STXBP5L: variants seen among roughly 807,000 people sequenced by gnomAD.
STXBP5L encodes the protein syntaxin-binding protein 5-like.
Under a neutral mutation model 144.5 loss-of-function variants are expected in STXBP5L, and 65 were observed. That is an observed-to-expected ratio of 0.45 (90% confidence interval 0.37 to 0.55). The LOEUF (loss-of-function observed/expected upper bound fraction) is 0.55. Ranked by LOEUF, STXBP5L falls within the 20% of genes least tolerant of loss-of-function variation. The pLI, the probability that STXBP5L is intolerant of heterozygous loss-of-function variation, is 0.00. For synonymous variants in STXBP5L, 505 were observed against 469.6 expected, an observed-to-expected ratio of 1.08 and a Z score of -0.97; for missense variants, 1,298 against 1,405.5, an observed-to-expected ratio of 0.92 and a Z score of 1.22.
chr3:121,293,680 C>T (rs1165947980), intron 19 of STXBP5L, among the ~76,000 whole-genome samples: 5 of 152,088 alleles, frequency 3.3e-5, no homozygotes, highest in South Asian at 4.2e-4. Flanking sequence ...GCCAATATGG[C>T]GAAACCCTGT....
Position 121,011,712 on chromosome 3 carries a change from T to C in STXBP5L, c.288-29988T>C, listed in dbSNP as rs1486799617. Reference sequence around the variant, plus strand: ...ACAATTAAGATCCCAAATCCTCTTTTTCAGCCCCTTTCCCATCCAAAGCTG... The same window carrying C: ...ACAATTAAGATCCCAAATCCTCTTTCTCAGCCCCTTTCCCATCCAAAGCTG... On this transcript the variant is annotated intron_variant, in intron 3 of 26. Transcript: ENST00000471454. Among the ~76,000 whole-genome samples the C allele has an allele frequency of 3.3e-5, 5 of 151,892 alleles. No individual in the cohort carries two copies. In the Admixed American group the frequency reaches 3.3e-4, roughly 10 times the overall value.
chr3:121,036,784 T>TTTC (rs1553780363), intron 3 of STXBP5L, among the ~76,000 whole-genome samples: 1 of 123,868 alleles, frequency 8.1e-6, no homozygotes, highest in Non-Finnish European at 1.6e-5. Flanking sequence ...TTTTTTTTTT[T>TTTC]TTTTTTTTAT....
At chr3:121,348,352 G>T (rs1036963574) in intron 20 of STXBP5L, among the ~76,000 whole-genome samples, 1 of 152,068 alleles carries the variant, frequency 6.6e-6, no homozygotes, top group African/African-American at 2.4e-5. Context: ...TGCTGGATTC[G>T]GTTTGCCAGT....
intron 3 of STXBP5L, among the ~76,000 whole-genome samples, chr3:120,956,958 G>T (rs1164383605): frequency 1.3e-5 from 2 of 151,754 alleles, no homozygotes; most frequent in Non-Finnish European, 2.9e-5. Context: ...ATAGTTTTAG[G>T]TTTTACATTT....
intron 20 of STXBP5L, among the ~76,000 whole-genome samples, chr3:121,365,020 G>C (rs1002491590): frequency 6.6e-6 from 1 of 151,322 alleles, no homozygotes; most frequent in African/African-American, 2.4e-5. Flanking sequence ...GAGTCTGCTT[G>C]GTATATTTAT....
At chr3:121,041,631 G>A (rs1403296009) in intron 3 of STXBP5L, 69 bp from the exon 4 acceptor site, 3 of 1,151,110 alleles carry the variant, frequency 2.6e-6, no homozygotes, top group Non-Finnish European at 3.9e-6. Context: ...TGATCAATAA[G>A]TTAGTTTCTT....
chr3:120,951,132 C>A (rs1711192934), intron 2 of STXBP5L, among the ~76,000 whole-genome samples: 1 of 152,252 alleles, frequency 6.6e-6, no homozygotes, highest in Admixed American at 6.5e-5. Flanking sequence ...CCCTTCCTTA[C>A]ACCTTACACA....
chr3:121,277,671 C>G (rs950890206), intron 18 of STXBP5L, among the ~76,000 whole-genome samples: 9 of 151,360 alleles, frequency 5.9e-5, no homozygotes, highest in African/African-American at 1.9e-4. Context: ...CTTTATATGC[C>G]TGCTACTTTT....
chr3:121,072,158 G>GT (rs1477137684), intron 5 of STXBP5L, among the ~76,000 whole-genome samples: 9 of 152,194 alleles, frequency 5.9e-5, no homozygotes, highest in African/African-American at 2.2e-4. Context: ...ATGTCCTTTA[G>GT]TAAGATTCTG....
At chr3:121,150,753 T>G (rs1266203366) in intron 7 of STXBP5L, among the ~76,000 whole-genome samples, 1 of 152,130 alleles carries the variant, frequency 6.6e-6, no homozygotes, top group East Asian at 1.9e-4. Context: ...TGAATCTCCT[T>G]GCCAATATCT....
intron 3 of STXBP5L, among the ~76,000 whole-genome samples, chr3:121,022,014 C>T (rs972041030): frequency 1.3e-5 from 2 of 151,844 alleles, no homozygotes; most frequent in Admixed American, 1.3e-4. Context: ...AATTGATAGG[C>T]CATTAGCAAG....
chr3:121,194,505 C>G (rs2047841833), intron 9 of STXBP5L, among the ~76,000 whole-genome samples: 1 of 151,578 alleles, frequency 6.6e-6, no homozygotes, highest in East Asian at 1.9e-4. Flanking sequence ...ACTGCACTCC[C>G]TGCCTTGAAA....
chr3:121,355,004 G>A (rs750968157), intron 20 of STXBP5L, among the ~76,000 whole-genome samples: 4 of 152,116 alleles, frequency 2.6e-5, no homozygotes, highest in Non-Finnish European at 5.9e-5. Context: ...TAAGAATGTT[G>A]AATATTGGCT....
chr3:121,199,458 C>A (rs919541508), intron 9 of STXBP5L, among the ~76,000 whole-genome samples: 1 of 152,050 alleles, frequency 6.6e-6, no homozygotes, highest in Non-Finnish European at 1.5e-5. Context: ...CTTTTCCTAA[C>A]TGAATACCTT....
intron 3 of STXBP5L, among the ~76,000 whole-genome samples, chr3:120,991,398 T>G (rs1364556730): frequency 2.0e-5 from 3 of 151,784 alleles, no homozygotes; most frequent in Non-Finnish European, 2.9e-5. Context: ...GTAAACTAGT[T>G]CAACCATTGT....
chr3:121,005,508 G>A (rs1325540308), intron 3 of STXBP5L, among the ~76,000 whole-genome samples: 2 of 152,038 alleles, frequency 1.3e-5, no homozygotes, highest in Non-Finnish European at 2.9e-5. Flanking sequence ...ACCAGCTCCT[G>A]GATTCATTGA....
intron 3 of STXBP5L, among the ~76,000 whole-genome samples, chr3:121,015,117 C>T (rs1448698182): frequency 6.6e-6 from 1 of 152,078 alleles, no homozygotes; most frequent in Non-Finnish European, 1.5e-5. Context: ...CAATCCTAAT[C>T]ATGATCTCAG....
chr3:121,352,064 C>A (rs1301595321), intron 20 of STXBP5L, among the ~76,000 whole-genome samples: 1 of 152,094 alleles, frequency 6.6e-6, no homozygotes, highest in Non-Finnish European at 1.5e-5. Context: ...GGTACCAGTA[C>A]CATGCTGTTT....
intron 3 of STXBP5L, among the ~76,000 whole-genome samples, chr3:120,975,848 A>G (rs1032642811): frequency 1.3e-5 from 2 of 152,072 alleles, no homozygotes; most frequent in African/African-American, 4.8e-5. Context: ...GATTACATTT[A>G]TTGATTTGTG....
Sources: allele counts gnomAD v4.1 joint callset (sites outside exome capture counted in the v4.1 genomes callset), GRCh38; gene constraint gnomAD v4.1.1; transcripts MANE v1.5; gene names NCBI Gene and HGNC (gene_info 2026-07-23, HGNC 2026-07-21).